R3HDM1: variants seen among roughly 807,000 people sequenced by gnomAD.
R3HDM1 encodes R3H domain containing 1.
R3HDM1 carries 46 observed loss-of-function variants against 141.1 expected under a neutral mutation model. That is an observed-to-expected ratio of 0.33 (90% CI 0.26 to 0.42). The LOEUF (loss-of-function observed/expected upper bound fraction) is 0.42. Among genes scored for constraint, R3HDM1 ranks in the 10% least tolerant of loss-of-function variants. The pLI, the probability that R3HDM1 is intolerant of heterozygous loss-of-function variation, is 1.00. For missense variants in R3HDM1, 1,184 were observed against 1,368.3 expected (o/e 0.87, Z 2.12); for synonymous variants, 435 against 472.9 (o/e 0.92, Z 1.04).
chr2:135,603,042 C>T lies in R3HDM1; in HGVS notation c.-41+334C>T, dbSNP rs188787754. Among the ~76,000 whole-genome samples, 8 of 152,188 alleles carry T rather than the reference C, an allele frequency of 5.3e-5. No individual in the cohort carries two copies. The East Asian group carries it at 5.8e-4, about 11-fold the overall frequency. ...TGTCACCCAGACTGGAGTGCAGTGGCGCGATCTTGGCTCACTGCAACCTCC... is the reference window on the plus strand; with the variant it reads ...TGTCACCCAGACTGGAGTGCAGTGGTGCGATCTTGGCTCACTGCAACCTCC... On this transcript the variant is annotated intron_variant, in intron 2 of 26. Transcript: ENST00000683871.
intron 18 of R3HDM1, among the ~76,000 whole-genome samples, chr2:135,658,914 C>T (rs2066272549): frequency 6.6e-6 from 1 of 152,124 alleles, no homozygotes; most frequent in Non-Finnish European, 1.5e-5. Flanking sequence ...TTGTCTTCCA[C>T]CTCCACATCT....
chr2:135,603,070 C>T (rs1023569479), intron 2 of R3HDM1, among the ~76,000 whole-genome samples: 3 of 152,176 alleles, frequency 2.0e-5, no homozygotes, highest in African/African-American at 7.2e-5. Context: ...CAACCTCCGC[C>T]TCCCAGGTCC....
chr2:135,672,122 T>C (rs2068478710), intron 19 of R3HDM1, among the ~76,000 whole-genome samples: 1 of 152,198 alleles, frequency 6.6e-6, no homozygotes, highest in African/African-American at 2.4e-5. Flanking sequence ...AGCGAAGGCA[T>C]TTTTTTAAGT....
chr2:135,580,462 T>A (rs866281033), intron 1 of R3HDM1, among the ~76,000 whole-genome samples: 5 of 152,376 alleles, frequency 3.3e-5, no homozygotes, highest in Middle Eastern at 3.4e-3. Flanking sequence ...TGGAATTTGT[T>A]CTAAATAGAA....
At chr2:135,545,766 C>T (rs148498116) in intron 1 of R3HDM1, among the ~76,000 whole-genome samples, 4 of 152,294 alleles carry the variant, frequency 2.6e-5, no homozygotes, top group Admixed American at 6.5e-5. Flanking sequence ...ACACTTGTGA[C>T]GTCTAAACAC....
intron 21 of R3HDM1, among the ~76,000 whole-genome samples, chr2:135,687,542 T>C (rs1343242829): frequency 6.6e-6 from 1 of 152,212 alleles, no homozygotes; most frequent in Non-Finnish European, 1.5e-5. Flanking sequence ...TTGTAATGAG[T>C]GAATACTTCT....
chr2:135,680,726 C>T (rs182483974), intron 21 of R3HDM1, among the ~76,000 whole-genome samples: 71 of 152,232 alleles, frequency 4.7e-4, no homozygotes, highest in African/African-American at 1.5e-3. Context: ...ACCAAGATTG[C>T]GCCGTTGCAC....
intron 18 of R3HDM1, among the ~76,000 whole-genome samples, chr2:135,659,179 C>T (rs1237165736): frequency 6.6e-6 from 1 of 151,902 alleles, no homozygotes; most frequent in East Asian, 1.9e-4. Context: ...CTCACTGAAG[C>T]CTCGACCTCC....
chr2:135,709,231 G>A (rs1223258373), intron 21 of R3HDM1, among the ~76,000 whole-genome samples: 6 of 152,002 alleles, frequency 3.9e-5, no homozygotes, highest in Admixed American at 1.3e-4. Context: ...CTGCCACCAC[G>A]CCCGGCTAAT....
At chr2:135,658,305 A>G (rs1351198758) in intron 18 of R3HDM1, among the ~76,000 whole-genome samples, 2 of 152,138 alleles carry the variant, frequency 1.3e-5, no homozygotes, top group East Asian at 3.8e-4. Flanking sequence ...ACCTGAGACT[A>G]CAAGGCGCGT....
Position 135,639,068 on chromosome 2 carries a change from A to T in R3HDM1, c.1165A>T (p.Thr389Ser). 1.2e-6 allele frequency: 2 copies of T among 1,614,198 alleles called. No homozygotes were observed. The highest frequency in any genetic ancestry group is 1.7e-6 in the Non-Finnish European group (2 of 1,180,024). Residue 389 changes from threonine (T) to serine (S), a missense_variant, in exon 14 of 27, where the codon ACA becomes TCA. Around this residue, in one of 5 missense-constraint regions of R3HDM1, gnomAD observed 240 missense variants for 312.3 expected, o/e 0.77. Coordinates refer to ENST00000683871, the MANE Select transcript of R3HDM1 (RefSeq NM_001378107.1). ...ASSFSGISVL[T>S]RGDSSGSSKS... ...CAGCTTCAGTGGAATCTCAGTCCTG[A>T]CAAGAGGTGATAGTTCTGGAAGCAG...
At chr2:135,581,292 A>G in intron 1 of R3HDM1, 1 of 985,422 alleles carries the variant, frequency 1.0e-6, no homozygotes, top group Non-Finnish European at 1.2e-6. Context: ...GTAGATCCAC[A>G]GTAGGGGAAC....
At chr2:135,579,324 A>AC (rs1706216579) in intron 1 of R3HDM1, among the ~76,000 whole-genome samples, 1 of 152,216 alleles carries the variant, frequency 6.6e-6, no homozygotes, top group Non-Finnish European at 1.5e-5. Context: ...CCACAAAATA[A>AC]AACACATGTA....
intron 1 of R3HDM1, among the ~76,000 whole-genome samples, chr2:135,553,673 T>C (rs1044366787): frequency 1.3e-5 from 2 of 152,144 alleles, no homozygotes; most frequent in African/African-American, 4.8e-5. Context: ...GCTGAGGTTT[T>C]TGTATGTGTT....
At chr2:135,568,561 GCTGGT>G (rs906601785) in intron 1 of R3HDM1, among the ~76,000 whole-genome samples, 1 of 151,580 alleles carries the variant, frequency 6.6e-6, no homozygotes, top group African/African-American at 2.4e-5. Context: ...TGTTGGCCAG[GCTGGT>G]CTCGAACTCC....
chr2:135,574,721 G>GT (rs1438154644), intron 1 of R3HDM1, among the ~76,000 whole-genome samples: 2 of 152,130 alleles, frequency 1.3e-5, no homozygotes, highest in African/African-American at 4.8e-5. Context: ...GGAAAACTCA[G>GT]TGTCTCCATA....
At chr2:135,625,425 A>G (rs1178742797) in intron 7 of R3HDM1, among the ~76,000 whole-genome samples, 1 of 152,334 alleles carries the variant, frequency 6.6e-6, no homozygotes, top group African/African-American at 2.4e-5. Context: ...AGCCTGGGCA[A>G]TAAGAGCAAA....
intron 26 of R3HDM1, 44 bp from the exon 27 acceptor site, chr2:135,723,893 T>C: frequency 1.3e-6 from 2 of 1,502,804 alleles, no homozygotes; most frequent in Non-Finnish European, 1.8e-6. Flanking sequence ...ACCCAACTTT[T>C]TTGGTAACAG....
chr2:135,623,019 A>C (rs1376955299), intron 7 of R3HDM1: 1 of 981,008 alleles, frequency 1.0e-6, no homozygotes, highest in Non-Finnish European at 1.2e-6. Flanking sequence ...TAATCATGAG[A>C]AAAAAGAAAA....
Sources: gnomAD v4.1 joint callset for allele counts (sites outside exome capture counted in the v4.1 genomes callset) on GRCh38, gnomAD v4.1.1 for gene constraint, gnomAD v4.1.1 regional missense constraint, MANE v1.5 for transcripts, NCBI Gene and HGNC (gene_info 2026-07-23, HGNC 2026-07-21) for gene names.